The following MAGI2 variants were observed in gnomAD, a reference collection of about 807,000 sequenced individuals.
MAGI2 encodes membrane associated guanylate kinase, WW and PDZ domain containing 2, also known as membrane-associated guanylate kinase, WW and PDZ domain-containing protein 2.
A neutral mutation model predicts 133.3 loss-of-function variants in MAGI2; 35 were observed. That is an observed-to-expected ratio of 0.26 (90% confidence interval 0.20 to 0.35). The LOEUF is 0.35. Among genes scored for constraint, MAGI2 ranks in the 10% least tolerant of loss-of-function variants. The pLI is 1.00. For synonymous variants in MAGI2, 729 were observed against 710.6 expected (o/e 1.03, Z -0.41); for missense variants, 1,636 against 1,863.4 (o/e 0.88, Z 2.25).
At chr7:79,239,302 C>T (rs1013458569) in intron 1 of MAGI2, among the ~76,000 whole-genome samples, 1 of 152,070 alleles carries the variant, frequency 6.6e-6, no homozygotes, top group African/African-American at 2.4e-5. Flanking sequence ...AACACTAACT[C>T]ACTTATCTTT....
At chr7:78,610,444 C>G (rs1052910475) in intron 3 of MAGI2, among the ~76,000 whole-genome samples, 4 of 152,150 alleles carry the variant, frequency 2.6e-5, no homozygotes, top group African/African-American at 9.7e-5. Context: ...TTACAGGGAA[C>G]ACAGTGGAGA....
At chr7:79,263,581 T>C (rs1174773920) in intron 1 of MAGI2, among the ~76,000 whole-genome samples, 1 of 152,178 alleles carries the variant, frequency 6.6e-6, no homozygotes, top group Non-Finnish European at 1.5e-5. Context: ...GAAAATTCTA[T>C]ATGTGTTATC....
chr7:78,574,082 T>C (rs1563190655), intron 3 of MAGI2, among the ~76,000 whole-genome samples: 1 of 152,176 alleles, frequency 6.6e-6, no homozygotes, highest in Admixed American at 6.5e-5. Flanking sequence ...AAAAGGGTAG[T>C]TGGTTGGATA....
intron 21 of MAGI2, among the ~76,000 whole-genome samples, chr7:78,031,159 C>T (rs148292897): frequency 6.6e-6 from 1 of 152,192 alleles, no homozygotes; most frequent in Admixed American, 6.5e-5. Context: ...CTCAAATAGG[C>T]AAAACTAAAG....
intron 3 of MAGI2, among the ~76,000 whole-genome samples, chr7:78,557,080 C>CAAAAAAAAAAAAAAA (rs796371005): frequency 3.2e-3 from 131 of 40,854 alleles, no homozygotes; most frequent in African/African-American, 9.2e-3. Flanking sequence ...GGCAGAGTCT[C>CAAAAAAAAAAAAAAA]AAAAAAAAAA....
intron 1 of MAGI2, among the ~76,000 whole-genome samples, chr7:79,427,510 G>C (rs1014254792): frequency 1.3e-5 from 2 of 152,078 alleles, no homozygotes; most frequent in Non-Finnish European, 2.9e-5. Flanking sequence ...AGCAATCAAG[G>C]GATGATATGA....
chr7:78,511,512 C>CT (rs201405738), intron 4 of MAGI2, among the ~76,000 whole-genome samples: 4,991 of 143,446 alleles, frequency 0.035, 289 homozygotes, highest in African/African-American at 0.12. Flanking sequence ...TGTATAGTGA[C>CT]TTTTTTTTGC....
intron 2 of MAGI2, among the ~76,000 whole-genome samples, chr7:78,646,059 T>A (rs1810860715): frequency 6.6e-6 from 1 of 152,086 alleles, no homozygotes. Flanking sequence ...ATTTTTAAAA[T>A]GTATGCAATG....
At chr7:78,208,693 T>C (rs1339250982) in intron 10 of MAGI2, among the ~76,000 whole-genome samples, 1 of 750 alleles carries the variant, frequency 1.3e-3, no homozygotes, top group African/African-American at 1.7e-3. Flanking sequence ...ATGTATAGCA[T>C]TTTTTTTTTT....
chr7:78,982,558 A>G (rs1048925445), intron 2 of MAGI2, among the ~76,000 whole-genome samples: 1 of 151,918 alleles, frequency 6.6e-6, no homozygotes, highest in African/African-American at 2.4e-5. Flanking sequence ...TGATAAGAGA[A>G]ATAAATACTT....
chr7:79,387,702 C>T (rs1844291960), intron 1 of MAGI2, among the ~76,000 whole-genome samples: 1 of 151,862 alleles, frequency 6.6e-6, no homozygotes, highest in African/African-American at 2.4e-5. Context: ...TAGTACTCAC[C>T]TATATAAGCA....
rs537643311 is a variant in MAGI2 at position 79,075,529 on chromosome 7, T to C, written c.302-68323A>G. 8.5e-5 allele frequency among the ~76,000 whole-genome samples: 13 copies of C among 152,190 alleles called. No homozygotes were observed. In the East Asian group the frequency reaches 2.5e-3, roughly 29 times the overall value. On this transcript the variant is annotated intron_variant, in intron 1 of 21. Coordinates refer to ENST00000354212, the MANE Select transcript of MAGI2 (RefSeq NM_012301.4). ...TAATCCCAACACTTTGGGAGGCTGA[T>C]GTGGGCAGATCGTTTGAGCCCAGGA...
At chr7:78,875,979 A>G (rs2151532250) in intron 2 of MAGI2, among the ~76,000 whole-genome samples, 1 of 152,270 alleles carries the variant, frequency 6.6e-6, no homozygotes, top group African/African-American at 2.4e-5. Context: ...CAGCTGTCCA[A>G]TCTTAAGAAC....
At chr7:78,726,529 T>A (rs1820823845) in intron 2 of MAGI2, among the ~76,000 whole-genome samples, 1 of 152,178 alleles carries the variant, frequency 6.6e-6, no homozygotes, top group Non-Finnish European at 1.5e-5. Flanking sequence ...CAACTCTCTA[T>A]CAGTTTCCTT....
chr7:78,552,662 A>C (rs1239154583), intron 3 of MAGI2, among the ~76,000 whole-genome samples: 3 of 152,120 alleles, frequency 2.0e-5, no homozygotes, highest in Non-Finnish European at 4.4e-5. Flanking sequence ...TATTTTAAAA[A>C]CTGCAGGCCT....
intron 1 of MAGI2, among the ~76,000 whole-genome samples, chr7:79,171,770 A>ATATTTTTTTTTTTTTTTTTT: frequency 3.2e-5 from 1 of 31,204 alleles, no homozygotes; most frequent in Non-Finnish European, 1.1e-4. Flanking sequence ...ATATATATAT[A>ATATTTTTTTTTTTTTTTTTT]TTTTTTTTTT....
intron 9 of MAGI2, among the ~76,000 whole-genome samples, chr7:78,321,412 C>T (rs1186292980): frequency 1.3e-5 from 2 of 152,004 alleles, no homozygotes; most frequent in Admixed American, 1.3e-4. Flanking sequence ...ATACTGGTAC[C>T]AAAACAGAGA....
At chr7:78,572,982 G>A (rs1246741454) in intron 3 of MAGI2, among the ~76,000 whole-genome samples, 1 of 133,614 alleles carries the variant, frequency 7.5e-6, no homozygotes, top group East Asian at 2.2e-4. Flanking sequence ...TTCTGTATTA[G>A]TCATTGTTCA....
chr7:78,461,376 C>T (rs1237673741), intron 6 of MAGI2, among the ~76,000 whole-genome samples: 4 of 119,808 alleles, frequency 3.3e-5, no homozygotes, highest in African/African-American at 9.9e-5. Context: ...AAATAGATTC[C>T]TGGACACGTG....
Sources: gnomAD v4.1 joint callset for allele counts (sites outside exome capture counted in the v4.1 genomes callset) on GRCh38, gnomAD v4.1.1 for gene constraint, MANE v1.5 for transcripts, NCBI Gene and HGNC (gene_info 2026-07-23, HGNC 2026-07-21) for gene names.